Variants in CAMKK2 observed in about 807,000 individuals in gnomAD.
CAMKK2 encodes calcium/calmodulin dependent protein kinase kinase 2.
A neutral mutation model predicts 67.2 loss-of-function variants in CAMKK2; 30 were observed. That is an observed-to-expected ratio of 0.45 (90% CI 0.33 to 0.61). The LOEUF is 0.61. Among genes scored for constraint, CAMKK2 ranks in the 20% least tolerant of loss-of-function variants. CAMKK2 has a pLI of 0.02. For synonymous variants in CAMKK2, 322 were observed against 326.2 expected (o/e 0.99, Z 0.14); for missense variants, 643 against 802.0 (o/e 0.80, Z 2.39).
chr12:121,263,098 T>G (rs1893802354), intron 6 of CAMKK2, among the ~76,000 whole-genome samples: 1 of 152,094 alleles, frequency 6.6e-6, no homozygotes. Flanking sequence ...CCTCCTGAAG[T>G]GGCTGGGATT....
chr12:121,249,054 A>G (rs1043800559), intron 13 of CAMKK2, among the ~76,000 whole-genome samples: 1 of 152,208 alleles, frequency 6.6e-6, no homozygotes, highest in African/African-American at 2.4e-5. Flanking sequence ...CTCAGCCACA[A>G]TCCCTGACAC....
chr12:121,264,320 A>T (rs914646676), intron 5 of CAMKK2, among the ~76,000 whole-genome samples: 2 of 152,212 alleles, frequency 1.3e-5, no homozygotes, highest in Non-Finnish European at 2.9e-5. Flanking sequence ...CATAAACATT[A>T]ACTCTTATCT....
chr12:121,244,503 T>A, intron 16 of CAMKK2, 70 bp downstream of exon 16: 1 of 1,431,818 alleles, frequency 7.0e-7, no homozygotes, highest in Non-Finnish European at 9.6e-7. Context: ...GATGCCCCCG[T>A]GCTCTGCAGC....
At chr12:121,282,663 CG>C (rs1286870474) in intron 1 of CAMKK2, among the ~76,000 whole-genome samples, 1 of 152,180 alleles carries the variant, frequency 6.6e-6, no homozygotes, top group African/African-American at 2.4e-5. Flanking sequence ...AGACTCCCCT[CG>C]GAGCCTTCAG....
At chr12:121,259,799 C>T (rs1165251375) in intron 7 of CAMKK2, among the ~76,000 whole-genome samples, 1 of 152,032 alleles carries the variant, frequency 6.6e-6, no homozygotes, top group Non-Finnish European at 1.5e-5. Context: ...CCACCTAGAA[C>T]AGTGCCCACC....
chr12:121,264,776 AAAT>A (rs57906202), intron 5 of CAMKK2, among the ~76,000 whole-genome samples: 4,819 of 139,874 alleles, frequency 0.034, 86 homozygotes, highest in African/African-American at 0.045. Flanking sequence ...TCAGTCTCAA[AAAT>A]AATAATAATA....
In CAMKK2 at chr12:121,285,447, G is replaced by A. The variant is rs1466461694; in HGVS notation, c.-59-10862C>T. 3.3e-5 allele frequency among the ~76,000 whole-genome samples: 5 copies of A among 152,154 alleles called. No individual in the cohort carries two copies. The highest frequency in any genetic ancestry group is 1.2e-4 in the African/African-American group (5 of 41,422). On this transcript the variant is annotated intron_variant, in intron 1 of 16. Coordinates refer to ENST00000404169, the MANE Select transcript of CAMKK2 (RefSeq NM_001270485.2). The surrounding 1 kb of genome is among the most constrained non-coding windows in gnomAD (Gnocchi z 4.1). ...GAACCCGGGAGGGGGAGGTTGCAGT[G>A]AGCCAAGATTGCACCACTGCACTCC...
chr12:121,240,996 C>G lies in CAMKK2; in HGVS notation c.1597-127G>C. 1.1e-6 allele frequency: 1 copy of G among 873,514 alleles called. No individual in the cohort carries two copies. Among genetic ancestry groups the G allele is most frequent in the Non-Finnish European group, 1.8e-6 (1 of 565,884 alleles). 54.1% of individuals were successfully genotyped at this position (873,514 alleles called of 1,614,324 possible). A position where few individuals can be genotyped will look rare whatever the true frequency, so the allele number is the denominator to read the frequency against. On this transcript the variant is annotated intron_variant, in intron 16 of 16. Transcript: ENST00000404169. This position sits in a 1 kb window ranked among gnomAD's most constrained non-coding sequence, Gnocchi z 4.4. The stretch of plus-strand genomic sequence containing the variant: ...CGCGCACCCCCTGGAACGTGATCTA[C>G]GTAACCCAGTCTTTGAGATCCTCTC...
intron 3 of CAMKK2, 116 bp from the exon 4 acceptor site, chr12:121,269,697 G>GT: frequency 1.3e-6 from 1 of 762,078 alleles, no homozygotes; most frequent in East Asian, 2.7e-5. Context: ...TCCCGCAACT[G>GT]TATTTTGTTG....
chr12:121,260,193 TG>T, intron 7 of CAMKK2, 125 bp downstream of exon 7: 2 of 784,236 alleles, frequency 2.6e-6, no homozygotes, highest in Non-Finnish European at 4.0e-6. Flanking sequence ...TGGGGCCAGC[TG>T]GACCAGGAAA....
rs965488434 is a variant in CAMKK2 at position 121,296,062 on chromosome 12, G to C, written c.-60+576C>G. Among the ~76,000 whole-genome samples the C allele has an allele frequency of 1.3e-5, 2 of 152,212 alleles. No homozygotes were observed. Among genetic ancestry groups the C allele is most frequent in the African/African-American group, 4.8e-5 (2 of 41,454 alleles). On this transcript the variant is annotated intron_variant, in intron 1 of 16. Transcript: ENST00000404169. The surrounding 1 kb of genome is among the most constrained non-coding windows in gnomAD (Gnocchi z 7.1). ...CAAGCCTGTGAGGCTCCGGCTGAGA[G>C]AAGAGGTGCGGTGGGGGTGGTCAAA... is the stretch of plus-strand genomic sequence containing the variant.
intron 14 of CAMKK2, 132 bp downstream of exon 14, chr12:121,248,474 C>T: frequency 2.0e-6 from 2 of 1,008,000 alleles, no homozygotes; most frequent in Admixed American, 2.2e-5. Flanking sequence ...GCCCAGAGGC[C>T]AGCAGCTGTG....
intron 5 of CAMKK2, among the ~76,000 whole-genome samples, chr12:121,264,807 A>G (rs1422929719): frequency 8.0e-6 from 1 of 124,440 alleles, no homozygotes; most frequent in South Asian, 2.4e-4. Context: ...TAATAATAAT[A>G]ATAATCACAA....
In CAMKK2 at chr12:121,292,027, G is replaced by A. The variant is rs974583345; in HGVS notation, c.-60+4611C>T. 2.6e-5 allele frequency among the ~76,000 whole-genome samples: 4 copies of A among 151,986 alleles called. No individual in the cohort carries two copies. The East Asian group carries it at 7.8e-4, about 30-fold the overall frequency. On this transcript the variant is annotated intron_variant, in intron 1 of 16. Transcript: ENST00000404169. ...GCCGAGATCACGCCACTGCACTCCA[G>A]CCTGGCGACAGAGTGAGACTCTGTC... is the stretch of plus-strand genomic sequence containing the variant.
At chr12:121,256,209 T>C (rs183940195) in intron 7 of CAMKK2, among the ~76,000 whole-genome samples, 14 of 152,194 alleles carry the variant, frequency 9.2e-5, no homozygotes, top group African/African-American at 3.4e-4. Flanking sequence ...CAAAACCCTA[T>C]CTCTACTAAA....
chr12:121,239,098 G>A lies in CAMKK2; in HGVS notation c.*1601C>T, dbSNP rs1364833005. 1 of 152,306 alleles carries A rather than the reference G, an allele frequency of 6.6e-6. No individual in the cohort carries two copies. The highest frequency in any genetic ancestry group is 1.5e-5 in the Non-Finnish European group (1 of 68,098). The allele number at this position is 152,306 out of a possible 1,614,324, so 9.4% of individuals were successfully genotyped here. Reference sequence around the variant, plus strand: ...GCTTAGGATCTATGGAAGCCAAGAAGGCCCAGGGCTCCATGAATGGGCTGG... The same window carrying A: ...GCTTAGGATCTATGGAAGCCAAGAAAGCCCAGGGCTCCATGAATGGGCTGG... On this transcript the variant is annotated 3_prime_UTR_variant, in exon 17 of 17. Coordinates refer to ENST00000404169, the MANE Select transcript of CAMKK2 (RefSeq NM_001270485.2).
At chr12:121,280,320 G>A (rs1037167139) in intron 1 of CAMKK2, among the ~76,000 whole-genome samples, 2 of 152,148 alleles carry the variant, frequency 1.3e-5, no homozygotes, top group African/African-American at 2.4e-5. Flanking sequence ...CAATACCCTC[G>A]TGATTTCTTA....
At chr12:121,276,064 G>A (rs974782537) in intron 1 of CAMKK2, among the ~76,000 whole-genome samples, 3 of 151,274 alleles carry the variant, frequency 2.0e-5, no homozygotes, top group Admixed American at 6.6e-5. Flanking sequence ...GGAGGCTGAG[G>A]CAGGAGAATC....
At chr12:121,288,437 C>T (rs1899232478) in intron 1 of CAMKK2, among the ~76,000 whole-genome samples, 1 of 152,182 alleles carries the variant, frequency 6.6e-6, no homozygotes, top group Non-Finnish European at 1.5e-5. Context: ...CGGGGCCCAA[C>T]GTCCCCACAC....
Sources: allele counts gnomAD v4.1 joint callset (sites outside exome capture counted in the v4.1 genomes callset), GRCh38; gene constraint gnomAD v4.1.1; non-coding constraint Gnocchi (gnomAD v3.1); transcripts MANE v1.5; gene names NCBI Gene and HGNC (gene_info 2026-07-23, HGNC 2026-07-21).